TSGA10: variants seen among roughly 807,000 people sequenced by gnomAD.
The protein encoded by TSGA10 is testis specific 10.
TSGA10 carries 43 observed loss-of-function variants against 96.6 expected under a neutral mutation model. That is an observed-to-expected ratio of 0.44 (90% CI 0.35 to 0.57). The LOEUF (loss-of-function observed/expected upper bound fraction) is 0.57, where lower values mean the gene tolerates loss of function less well. Ranked by LOEUF, TSGA10 falls within the 20% of genes least tolerant of loss-of-function variation. The probability of loss-of-function intolerance (pLI) is 0.01; values close to 1 mark genes in which losing one functional copy is unlikely to be tolerated. For missense variants in TSGA10, 703 were observed against 834.4 expected (o/e 0.84, Z 1.94); for synonymous variants, 229 against 269.9 (o/e 0.85, Z 1.48).
intron 20 of TSGA10, among the ~76,000 whole-genome samples, chr2:99,012,113 G>C (rs1473029111): frequency 2.0e-5 from 3 of 152,170 alleles, no homozygotes; most frequent in Admixed American, 6.5e-5. Flanking sequence ...GTCATTTTCA[G>C]ACATGCTGAG....
intron 20 of TSGA10, among the ~76,000 whole-genome samples, chr2:99,009,968 T>C (rs1413581797): frequency 6.6e-6 from 1 of 152,228 alleles, no homozygotes; most frequent in Non-Finnish European, 1.5e-5. Flanking sequence ...CATGTAGATG[T>C]TCTTTGTATT....
chr2:99,065,591 C>T (rs140187581), intron 15 of TSGA10, among the ~76,000 whole-genome samples: 1 of 152,292 alleles, frequency 6.6e-6, no homozygotes, highest in Non-Finnish European at 1.5e-5. Context: ...TAAATGTCAG[C>T]TTCTGATAAT....
chr2:99,008,700 T>G (rs2078715625), intron 20 of TSGA10, among the ~76,000 whole-genome samples: 2 of 152,204 alleles, frequency 1.3e-5, no homozygotes, highest in South Asian at 4.1e-4. Context: ...TACTGCAACA[T>G]GAGAATACAT....
chr2:99,003,283 C>G (rs574110607), intron 20 of TSGA10, among the ~76,000 whole-genome samples: 1 of 152,308 alleles, frequency 6.6e-6, no homozygotes, highest in African/African-American at 2.4e-5. Context: ...AATACAGGAG[C>G]ACCCAGATTC....
intron 1 of TSGA10, among the ~76,000 whole-genome samples, chr2:99,152,573 C>T (rs1019197340): frequency 6.6e-6 from 1 of 152,090 alleles, no homozygotes; most frequent in African/African-American, 2.4e-5. Context: ...AATGGGAAAG[C>T]GTATCTCAGG....
intron 16 of TSGA10, among the ~76,000 whole-genome samples, chr2:99,047,695 A>G (rs542365470): frequency 2.0e-5 from 3 of 152,322 alleles, no homozygotes; most frequent in South Asian, 2.1e-4. Context: ...CACCACTCCT[A>G]TTCAACTGTT....
In TSGA10 at chr2:99,103,846, G is replaced by A. The variant is rs1412111701; in HGVS notation, c.611+121C>T. Reference sequence around the variant, plus strand: ...CTGTGTGCCAAGGGTTCCTACAACTGCTTTTCAATAATCCTCTCAGAAACT... The same window carrying A: ...CTGTGTGCCAAGGGTTCCTACAACTACTTTTCAATAATCCTCTCAGAAACT... On this transcript the variant is annotated intron_variant, in intron 10 of 20. Transcript: ENST00000393483. 9 of 1,224,422 alleles carry A rather than the reference G, an allele frequency of 7.4e-6. No individual in the cohort carries two copies. The African/African-American group carries it at 1.4e-4, about 19-fold the overall frequency. 75.8% of individuals were successfully genotyped at this position (1,224,422 alleles called of 1,614,324 possible).
intron 20 of TSGA10, among the ~76,000 whole-genome samples, chr2:99,002,892 C>T (rs188860564): frequency 2.0e-5 from 3 of 151,588 alleles, no homozygotes; most frequent in Non-Finnish European, 2.9e-5. Context: ...AAGAGTCTCA[C>T]TCTGTCGCCC....
chr2:99,115,521 C>A (rs2092183592), intron 4 of TSGA10, among the ~76,000 whole-genome samples: 1 of 151,824 alleles, frequency 6.6e-6, no homozygotes, highest in Non-Finnish European at 1.5e-5. Flanking sequence ...GTTCTAAGGA[C>A]CTGTTCCAGA....
At chr2:99,140,317 T>C (rs898225697) in intron 1 of TSGA10, among the ~76,000 whole-genome samples, 1 of 152,128 alleles carries the variant, frequency 6.6e-6, no homozygotes, top group Non-Finnish European at 1.5e-5. Flanking sequence ...TACAAACCTA[T>C]TGTTATTCTA....
chr2:99,004,977 G>A (rs1037247242), intron 20 of TSGA10, among the ~76,000 whole-genome samples: 1 of 152,170 alleles, frequency 6.6e-6, no homozygotes, highest in Admixed American at 6.5e-5. Flanking sequence ...GGGATGCAAG[G>A]CTGGTTCAAC....
chr2:99,125,191 A>T (rs1441720896), intron 2 of TSGA10: 1 of 152,150 alleles, frequency 6.6e-6, no homozygotes, highest in Non-Finnish European at 1.5e-5. Flanking sequence ...GGGTCTTTTC[A>T]TGGCTACGTA....
intron 12 of TSGA10, among the ~76,000 whole-genome samples, chr2:99,074,672 T>C (rs780264565): frequency 6.6e-6 from 1 of 152,182 alleles, no homozygotes; most frequent in Non-Finnish European, 1.5e-5. Context: ...TGAAAGTCTT[T>C]ACTTGAGGCC....
rs1014014871 is a variant in TSGA10, at chr2:99,118,628, T to A, written c.-433A>T. The A allele has an allele frequency of 2.0e-6, 2 of 984,588 alleles. No homozygotes were observed. The highest frequency in any genetic ancestry group is 3.5e-5 in the African/African-American group (2 of 57,074). The allele number at this position is 984,588 out of a possible 1,614,324, so 61.0% of individuals were successfully genotyped here. ...AACACAGCTTTCCTTCCCAGCCCACTATCAAACCATCAATGGATGAAGAAA... is the reference window on the plus strand; with the variant it reads ...AACACAGCTTTCCTTCCCAGCCCACAATCAAACCATCAATGGATGAAGAAA... On this transcript the variant is annotated 5_prime_UTR_variant, in exon 3 of 21. Transcript: ENST00000393483.
intron 17 of TSGA10, among the ~76,000 whole-genome samples, chr2:99,030,519 T>C (rs948933213): frequency 1.3e-5 from 2 of 152,022 alleles, no homozygotes; most frequent in African/African-American, 2.4e-5. Flanking sequence ...TGGTGACACA[T>C]GTCTGTAGTG....
chr2:99,153,482 A>ATT (rs2093713622), intron 1 of TSGA10, among the ~76,000 whole-genome samples: 1 of 152,118 alleles, frequency 6.6e-6, no homozygotes, highest in African/African-American at 2.4e-5. Context: ...GAAGTAGGTA[A>ATT]AGGTAAGAAT....
chr2:99,087,392 G>C (rs1463348402), intron 10 of TSGA10, among the ~76,000 whole-genome samples: 1 of 151,986 alleles, frequency 6.6e-6, no homozygotes, highest in Non-Finnish European at 1.5e-5. Context: ...TGTAATCCCA[G>C]CTACTTGGGG....
chr2:99,073,400 A>G (rs1292159306), intron 12 of TSGA10, among the ~76,000 whole-genome samples: 2 of 152,182 alleles, frequency 1.3e-5, no homozygotes, highest in Non-Finnish European at 2.9e-5. Flanking sequence ...GAGGCAAACC[A>G]ATGGTTTGGC....
intron 20 of TSGA10, among the ~76,000 whole-genome samples, chr2:99,006,060 T>G (rs1460455783): frequency 6.6e-6 from 1 of 152,226 alleles, no homozygotes; most frequent in African/African-American, 2.4e-5. Flanking sequence ...CCCTATTTAA[T>G]AAATGATGCT....
Sources: allele counts gnomAD v4.1 joint callset (sites outside exome capture counted in the v4.1 genomes callset), GRCh38; gene constraint gnomAD v4.1.1; transcripts MANE v1.5; gene names NCBI Gene and HGNC (gene_info 2026-07-23, HGNC 2026-07-21).